Variants in KCNAB1 observed in about 807,000 individuals in gnomAD.
The protein encoded by KCNAB1 is voltage-gated potassium channel subunit beta-1.
In KCNAB1, 35 loss-of-function variants were observed where a neutral mutation model predicts 64.6. The ratio of observed to expected loss-of-function variants is 0.54; its 90% confidence interval spans 0.41 to 0.72. The LOEUF is 0.72. Ranked by LOEUF, KCNAB1 falls within the 30% of genes least tolerant of loss-of-function variation. The pLI, the probability that KCNAB1 is intolerant of heterozygous loss-of-function variation, is 0.00. For synonymous variants in KCNAB1, 177 were observed against 183.8 expected (o/e 0.96, Z 0.30); for missense variants, 401 against 512.9 (o/e 0.78, Z 2.11).
intron 1 of KCNAB1, among the ~76,000 whole-genome samples, chr3:156,405,774 AC>A (rs1174373447): frequency 6.6e-6 from 1 of 152,238 alleles, no homozygotes; most frequent in African/African-American, 2.4e-5. Flanking sequence ...TTACATAATA[AC>A]ACATCCTATT....
intron 1 of KCNAB1, among the ~76,000 whole-genome samples, chr3:156,309,174 T>A (rs73876150): frequency 0.098 from 14,942 of 152,256 alleles, 2,454 homozygotes; most frequent in African/African-American, 0.34. Context: ...AAATAATATA[T>A]CAGTTTTTTA....
chr3:156,154,248 C>T (rs905087863), intron 1 of KCNAB1, among the ~76,000 whole-genome samples: 6 of 151,834 alleles, frequency 4.0e-5, no homozygotes, highest in Non-Finnish European at 8.8e-5. Context: ...AGATGTCTAA[C>T]ACACTCATAT....
chr3:156,435,187 C>T (rs6780967), intron 2 of KCNAB1, among the ~76,000 whole-genome samples: 107,897 of 152,130 alleles, frequency 0.71, 39,536 homozygotes, highest in African/African-American at 0.9. Context: ...TTGTGTCTGC[C>T]ATGGGTCAGA....
At chr3:156,220,856 C>T (rs1292825756) in intron 1 of KCNAB1, among the ~76,000 whole-genome samples, 1 of 152,212 alleles carries the variant, frequency 6.6e-6, no homozygotes, top group African/African-American at 2.4e-5. Context: ...TGAGGTCTTA[C>T]ATTTAAGTCT....
At chr3:156,433,134 G>C (rs1313903766) in intron 2 of KCNAB1, among the ~76,000 whole-genome samples, 1 of 152,148 alleles carries the variant, frequency 6.6e-6, no homozygotes, top group Admixed American at 6.5e-5. Context: ...GGGGAAACAG[G>C]GAGAAACGAC....
At chr3:156,329,469 A>C (rs1723190904) in intron 1 of KCNAB1, among the ~76,000 whole-genome samples, 1 of 152,128 alleles carries the variant, frequency 6.6e-6, no homozygotes, top group Admixed American at 6.6e-5. Context: ...TCCCCGGGAG[A>C]GAACCCCCCA....
chr3:156,221,313 C>T (rs192041683), intron 1 of KCNAB1, among the ~76,000 whole-genome samples: 2 of 152,236 alleles, frequency 1.3e-5, no homozygotes, highest in Admixed American at 1.3e-4. Flanking sequence ...TTACCTTAGG[C>T]AGTATGGCCA....
At chr3:156,497,114 A>G (rs1716061761) in intron 8 of KCNAB1, among the ~76,000 whole-genome samples, 1 of 152,226 alleles carries the variant, frequency 6.6e-6, no homozygotes, top group African/African-American at 2.4e-5. Flanking sequence ...GTCTATTCTA[A>G]CATACCAAGT....
At position 156,170,883 on chromosome 3, in the gene KCNAB1, T is replaced by C. The variant is rs188344137; in HGVS notation, c.275+49997T>C. Among the ~76,000 whole-genome samples, 13 of 152,324 alleles carry C rather than the reference T, an allele frequency of 8.5e-5. 1 individual carries two copies. In the East Asian group the frequency reaches 2.5e-3, roughly 29 times the overall value. On this transcript the variant is annotated intron_variant, in intron 1 of 13. Transcript: ENST00000490337. ...TGATTTGGAAATGTTTTCAATTCCC[T>C]TTTGCTGCACATAGCAGAACAATTT...
chr3:156,291,800 A>G (rs1275677460), intron 1 of KCNAB1: 3 of 1,551,828 alleles, frequency 1.9e-6, no homozygotes, highest in East Asian at 2.3e-5. Context: ...AGGAAGGGGG[A>G]GCAAGGAGGG....
At chr3:156,321,806 C>T (rs977170810) in intron 1 of KCNAB1, among the ~76,000 whole-genome samples, 7 of 152,116 alleles carry the variant, frequency 4.6e-5, no homozygotes, top group African/African-American at 1.7e-4. Context: ...TTTAAAGAAA[C>T]CAGGCAGTCT....
intron 1 of KCNAB1, among the ~76,000 whole-genome samples, chr3:156,179,286 A>C (rs1712620232): frequency 6.6e-6 from 1 of 152,108 alleles, no homozygotes; most frequent in South Asian, 2.1e-4. Flanking sequence ...TATATATGTA[A>C]GTACTACTTC....
intron 10 of KCNAB1, among the ~76,000 whole-genome samples, chr3:156,515,584 T>G (rs1373482704): frequency 6.6e-6 from 1 of 152,182 alleles, no homozygotes; most frequent in East Asian, 1.9e-4. Flanking sequence ...AAAAAAATCA[T>G]GGATATATAC....
At chr3:156,162,964 C>T (rs888975803) in intron 1 of KCNAB1, among the ~76,000 whole-genome samples, 2 of 152,158 alleles carry the variant, frequency 1.3e-5, no homozygotes, top group African/African-American at 4.8e-5. Context: ...CTTTGGTGCT[C>T]TGAAGTCCGT....
At chr3:156,529,572 G>A (rs1718554349) in intron 12 of KCNAB1, among the ~76,000 whole-genome samples, 1 of 151,952 alleles carries the variant, frequency 6.6e-6, no homozygotes, top group African/African-American at 2.4e-5. Flanking sequence ...TGCACAGACT[G>A]CACCCCAGAC....
At chr3:156,403,164 G>T (rs1714020316) in intron 1 of KCNAB1, among the ~76,000 whole-genome samples, 1 of 152,204 alleles carries the variant, frequency 6.6e-6, no homozygotes, top group South Asian at 2.1e-4. Flanking sequence ...TCTATCAGGA[G>T]CCTCTCTTTT....
intron 1 of KCNAB1, among the ~76,000 whole-genome samples, chr3:156,315,475 GC>G (rs2108014987): frequency 6.6e-6 from 1 of 152,290 alleles, no homozygotes; most frequent in African/African-American, 2.4e-5. Context: ...ATGACCTGAG[GC>G]TTTACAGATA....
rs184308225 is a variant in KCNAB1, at chr3:156,291,253, C to T, written c.276-130363C>T. 2.5e-3 allele frequency: 2,511 copies of T among 986,782 alleles called. 1 individual carries two copies. The highest frequency in any genetic ancestry group is 2.8e-3 in the Non-Finnish European group (2,348 of 830,880). 61.1% of individuals were successfully genotyped at this position (986,782 alleles called of 1,614,324 possible). ...GCAGGCTCAGCAACCCAGGCTTTCG[C>T]TCGAGAATGAGTGGGGAGGGGTCTT... On this transcript the variant is annotated intron_variant, in intron 1 of 13. Coordinates refer to ENST00000490337, the MANE Select transcript of KCNAB1 (RefSeq NM_172160.3).
intron 1 of KCNAB1, among the ~76,000 whole-genome samples, chr3:156,255,485 T>C (rs1718050618): frequency 6.6e-6 from 1 of 152,130 alleles, no homozygotes; most frequent in African/African-American, 2.4e-5. Context: ...TTTAGTAAGC[T>C]GGCATTAAGG....
Sources: allele counts gnomAD v4.1 joint callset (sites outside exome capture counted in the v4.1 genomes callset), GRCh38; gene constraint gnomAD v4.1.1; transcripts MANE v1.5; gene names NCBI Gene and HGNC (gene_info 2026-07-23, HGNC 2026-07-21).